The following IGSF21 variants were observed in gnomAD, a reference collection of about 807,000 sequenced individuals.
The protein encoded by IGSF21 is immunoglobulin superfamily member 21.
IGSF21 carries 28 observed loss-of-function variants against 46.8 expected under a neutral mutation model. The ratio of observed to expected loss-of-function variants is 0.60; its 90% CI spans 0.44 to 0.82. The LOEUF (loss-of-function observed/expected upper bound fraction) is 0.82. Ranked by LOEUF, IGSF21 falls within the 40% of genes least tolerant of loss-of-function variation. IGSF21 has a pLI of 0.00. For synonymous variants in IGSF21, 284 were observed against 273.6 expected (o/e 1.04, Z -0.38); for missense variants, 624 against 665.5 (o/e 0.94, Z 0.69).
intron 1 of IGSF21, among the ~76,000 whole-genome samples, chr1:18,169,716 G>A (rs886893504): frequency 1.3e-5 from 2 of 152,170 alleles, no homozygotes; most frequent in Non-Finnish European, 2.9e-5. Flanking sequence ...AATATGAGCC[G>A]CTTGTTTGGT....
chr1:18,308,547 T>TGGA (rs2085450626), intron 3 of IGSF21, among the ~76,000 whole-genome samples: 1 of 152,196 alleles, frequency 6.6e-6, no homozygotes, highest in Non-Finnish European at 1.5e-5. Flanking sequence ...TTGAGGCAGC[T>TGGA]CATGCCCCAT....
chr1:18,113,911 C>T (rs544735219), intron 1 of IGSF21: 3 of 152,296 alleles, frequency 2.0e-5, no homozygotes, highest in Non-Finnish European at 2.9e-5. Context: ...ACCATGGTAA[C>T]GATGAGTACC....
chr1:18,204,655 C>T (rs928759846), intron 1 of IGSF21, among the ~76,000 whole-genome samples: 4 of 152,118 alleles, frequency 2.6e-5, no homozygotes, highest in African/African-American at 9.7e-5. Flanking sequence ...ACACACAAGG[C>T]AGTGTGTGTC....
At chr1:18,351,570 C>A (rs555140709) in intron 4 of IGSF21, among the ~76,000 whole-genome samples, 1 of 152,162 alleles carries the variant, frequency 6.6e-6, no homozygotes, top group Admixed American at 6.5e-5. Flanking sequence ...GGAGGACGGA[C>A]GAGCAACAGC....
At chr1:18,136,943 T>G (rs1187222719) in intron 1 of IGSF21, among the ~76,000 whole-genome samples, 1 of 152,150 alleles carries the variant, frequency 6.6e-6, no homozygotes, top group East Asian at 1.9e-4. Flanking sequence ...TGAGCAGTGG[T>G]TTGTAGTTCT....
intron 1 of IGSF21, among the ~76,000 whole-genome samples, chr1:18,190,739 C>T (rs1419163444): frequency 1.3e-5 from 2 of 152,206 alleles, no homozygotes; most frequent in Admixed American, 1.3e-4. Flanking sequence ...CAGGAGCCAG[C>T]CACTGGCCAG....
At chr1:18,292,895 C>T (rs1165797616) in intron 3 of IGSF21, among the ~76,000 whole-genome samples, 2 of 152,226 alleles carry the variant, frequency 1.3e-5, no homozygotes, top group Non-Finnish European at 2.9e-5. Flanking sequence ...CACACACACA[C>T]TCTTCCACGC....
At chr1:18,158,337 T>C (rs2086586080) in intron 1 of IGSF21, among the ~76,000 whole-genome samples, 1 of 152,222 alleles carries the variant, frequency 6.6e-6, no homozygotes, top group Non-Finnish European at 1.5e-5. Flanking sequence ...AAGTGTTTCT[T>C]CCCATTTATG....
intron 2 of IGSF21, among the ~76,000 whole-genome samples, chr1:18,248,926 T>G (rs1318694865): frequency 6.6e-6 from 1 of 151,982 alleles, no homozygotes; most frequent in Non-Finnish European, 1.5e-5. Flanking sequence ...ACTCGAGTGG[T>G]CAAGGTTGGC....
chr1:18,306,459 T>C (rs1465308957), intron 3 of IGSF21, among the ~76,000 whole-genome samples: 1 of 152,222 alleles, frequency 6.6e-6, no homozygotes, highest in Non-Finnish European at 1.5e-5. Flanking sequence ...TTTTAAAGCA[T>C]TGATTACTAC....
At chr1:18,341,072 T>TTCC (rs1305933341) in intron 4 of IGSF21, among the ~76,000 whole-genome samples, 27 of 67,146 alleles carry the variant, frequency 4.0e-4, no homozygotes, top group Non-Finnish European at 8.4e-4. Context: ...CTTCTTCTTC[T>TTCC]TCTTCTCCTC....
chr1:18,318,455 T>G (rs2085565566), intron 3 of IGSF21, among the ~76,000 whole-genome samples: 1 of 99,248 alleles, frequency 1.0e-5, no homozygotes, highest in Non-Finnish European at 2.1e-5. Context: ...CATGCACGTG[T>G]GCGTGCGTGC....
chr1:18,121,356 C>T (rs543767672), intron 1 of IGSF21, among the ~76,000 whole-genome samples: 45 of 152,236 alleles, frequency 3.0e-4, no homozygotes, highest in African/African-American at 5.3e-4. Flanking sequence ...AAACTTCCAC[C>T]GGCAGTCCTC....
At chr1:18,353,907 T>C (rs2085987082) in intron 4 of IGSF21, among the ~76,000 whole-genome samples, 1 of 152,238 alleles carries the variant, frequency 6.6e-6, no homozygotes, top group African/African-American at 2.4e-5. Context: ...ATGGGCTATG[T>C]GCTTTCCTGT....
intron 4 of IGSF21, among the ~76,000 whole-genome samples, chr1:18,359,497 AAGGAAGGAAGG>A (rs879738706): frequency 0.096 from 9,922 of 103,230 alleles, 675 homozygotes; most frequent in South Asian, 0.2. Flanking sequence ...GGAAGGAAGG[AAGGAAGGAAGG>A]AAGGAAAAGC....
intron 2 of IGSF21, among the ~76,000 whole-genome samples, chr1:18,257,352 T>G (rs964896447): frequency 9.9e-5 from 15 of 152,284 alleles, no homozygotes; most frequent in African/African-American, 3.4e-4. Flanking sequence ...TTAATATTAA[T>G]AGTGGAGAGA....
intron 2 of IGSF21, among the ~76,000 whole-genome samples, chr1:18,274,905 A>T (rs1189533477): frequency 6.6e-6 from 1 of 152,206 alleles, no homozygotes. Context: ...ATGCACCTGG[A>T]ATCCCAGCTA....
intron 3 of IGSF21, among the ~76,000 whole-genome samples, chr1:18,326,915 G>A (rs184589392): frequency 8.3e-4 from 126 of 152,278 alleles, no homozygotes; most frequent in African/African-American, 2.9e-3. Context: ...GGGAGATGGT[G>A]GCAAGAATGA....
At chr1:18,251,599 A>T (rs1397175131) in intron 2 of IGSF21, among the ~76,000 whole-genome samples, 1 of 152,106 alleles carries the variant, frequency 6.6e-6, no homozygotes, top group Non-Finnish European at 1.5e-5. Flanking sequence ...AGTCATTTCC[A>T]CTCATTGTGT....
Sources: gnomAD v4.1 joint callset for allele counts (sites outside exome capture counted in the v4.1 genomes callset) on GRCh38, gnomAD v4.1.1 for gene constraint, MANE v1.5 for transcripts, NCBI Gene and HGNC (gene_info 2026-07-23, HGNC 2026-07-21) for gene names.